MS4A4A: variants seen among roughly 807,000 people sequenced by gnomAD.
MS4A4A encodes the protein membrane-spanning 4-domains subfamily A member 4A.
A neutral mutation model predicts 28.0 loss-of-function variants in MS4A4A; 26 were observed. The ratio of observed to expected loss-of-function variants is 0.93; its 90% CI spans 0.68 to 1.29. The LOEUF (loss-of-function observed/expected upper bound fraction) is 1.29. Among genes scored for constraint, MS4A4A ranks in the 50% most tolerant of loss-of-function variants. The pLI is 0.00. For synonymous variants in MS4A4A, 86 were observed against 100.8 expected, an observed-to-expected ratio of 0.85 and a Z score of 0.88; for missense variants, 290 against 293.1, an observed-to-expected ratio of 0.99 and a Z score of 0.08.
intron 6 of MS4A4A, 36 bp downstream of exon 6, chr11:60,306,237 A>C (rs1266786960): frequency 2.0e-6 from 3 of 1,474,238 alleles, no homozygotes; most frequent in South Asian, 1.1e-5. Context: ...TGACTGTATT[A>C]GTTTTCTATT....
chr11:60,306,305 TCA>T (rs1254209138), intron 6 of MS4A4A, 104 bp downstream of exon 6: 7 of 938,704 alleles, frequency 7.5e-6, no homozygotes, highest in Admixed American at 4.3e-5. Flanking sequence ...TCATTATCTC[TCA>T]GTTTCCATGG....
At chr11:60,304,193 T>C (rs866634176) in intron 5 of MS4A4A, among the ~76,000 whole-genome samples, 1 of 152,176 alleles carries the variant, frequency 6.6e-6, no homozygotes. Context: ...GACCTTACTT[T>C]TAGTTTACGA....
Position 60,308,726 on chromosome 11 carries a change from G to A in MS4A4A, c.*548G>A, listed in dbSNP as rs2085030807. 1 of 152,400 alleles carries A rather than the reference G, an allele frequency of 6.6e-6. No homozygotes were observed. Among genetic ancestry groups the A allele is most frequent in the African/African-American group, 2.4e-5 (1 of 41,356 alleles). The allele number at this position is 152,400 out of a possible 1,614,324, so 9.4% of individuals were successfully genotyped here. A position where few individuals can be genotyped will look rare whatever the true frequency, so the allele number is the denominator to read the frequency against. On this transcript the variant is annotated 3_prime_UTR_variant, in exon 7 of 7. Transcript: ENST00000337908. ...TTTCTTTCCCCATAGAAAGTACCTT[G>A]AAGTAGCACAGCCCGTCCTTGCATG...
At chr11:60,305,496 G>A (rs937262783) in intron 5 of MS4A4A, among the ~76,000 whole-genome samples, 3 of 152,186 alleles carry the variant, frequency 2.0e-5, no homozygotes, top group Admixed American at 1.3e-4. Flanking sequence ...CAAATCAAGC[G>A]ATGTAGCATC....
chr11:60,299,448 C>CTT (rs5792179), intron 3 of MS4A4A, among the ~76,000 whole-genome samples: 3,768 of 112,678 alleles, frequency 0.033, 85 homozygotes, highest in African/African-American at 0.073. Flanking sequence ...AATTACAATT[C>CTT]TTTTTTTTTT....
rs1279340859 is a variant in MS4A4A, at chr11:60,301,034, G to A, written c.364G>A (p.Gly122Arg). 6.2e-7 allele frequency: 1 copy of A among 1,600,954 alleles called. No individual in the cohort carries two copies. Among genetic ancestry groups the A allele is most frequent in the Admixed American group, 1.7e-5 (1 of 57,516 alleles). Reference protein sequence around the residue: ...IISGSLSIAAGIRTTKGLVRG... With the variant: ...IISGSLSIAARIRTTKGLVRG... Reference sequence around the variant, plus strand: ...TTCAGGATCCTTGTCAATTGCAGCAGGAATTAGAACTACAAAAGGCCTGGT... The same window carrying A: ...TTCAGGATCCTTGTCAATTGCAGCAAGAATTAGAACTACAAAAGGCCTGGT... The change falls in exon 4 of 7, where the codon GGA becomes AGA. Residue 122 changes from glycine to arginine, a missense_variant. Physicochemically the swap from Gly to Arg is moderately radical, Grantham distance 125. Coordinates refer to ENST00000337908, the MANE Select transcript of MS4A4A (RefSeq NM_148975.3).
intron 4 of MS4A4A, 90 bp from the exon 5 acceptor site, chr11:60,302,469 G>C: frequency 1.6e-6 from 2 of 1,270,096 alleles, no homozygotes; most frequent in Non-Finnish European, 2.2e-6. Flanking sequence ...ATAGATGGCA[G>C]TAAGAAAGAG....
intron 6 of MS4A4A, among the ~76,000 whole-genome samples, chr11:60,307,474 C>G (rs2085013777): frequency 6.6e-6 from 1 of 152,138 alleles, no homozygotes; most frequent in African/African-American, 2.4e-5. Context: ...TGGAGGCAAA[C>G]TCTTTCGTAA....
At chr11:60,280,837 GGT>G in intron 1 of MS4A4A, 121 bp downstream of exon 1, 2 of 1,176,608 alleles carry the variant, frequency 1.7e-6, no homozygotes, top group Non-Finnish European at 2.4e-6. Context: ...GACCCAAGCT[GGT>G]ATTCAGGGTT....
At chr11:60,281,214 C>T (rs569658329) in intron 1 of MS4A4A, among the ~76,000 whole-genome samples, 3 of 152,218 alleles carry the variant, frequency 2.0e-5, no homozygotes, top group East Asian at 1.9e-4. Flanking sequence ...TGGGCTGTGG[C>T]CTGACCTAGT....
intron 2 of MS4A4A, 140 bp downstream of exon 2, chr11:60,292,524 C>A: frequency 1.2e-6 from 1 of 816,718 alleles, no homozygotes; most frequent in Non-Finnish European, 1.8e-6. Flanking sequence ...TCAGGCTCTT[C>A]ATCTGAAAAA....
chr11:60,306,200 G>A lies in MS4A4A; in HGVS notation c.647G>A (p.Gly216Glu), dbSNP rs1365715114. 6.2e-7 allele frequency: 1 copy of A among 1,609,758 alleles called. No individual in the cohort carries two copies. Among genetic ancestry groups the A allele is most frequent in the African/African-American group, 1.3e-5 (1 of 74,934 alleles). ...GCKVLCCTPG[G>E]VVLILPSHSH... is the part of the protein sequence containing the mutation. ...AAAGTGCTCTGTTGTACCCCTGGTGGGGTGAGTATTGGCCTTCATTTGAAG... is the reference window on the plus strand; with the variant it reads ...AAAGTGCTCTGTTGTACCCCTGGTGAGGTGAGTATTGGCCTTCATTTGAAG... The change falls in exon 6 of 7, where the codon GGG (glycine) becomes GAG (glutamate). Residue 216 changes from glycine (G) to glutamate (E), a missense_variant and splice_region_variant. Gly to Glu is a moderately conservative substitution (Grantham distance 98). Transcript: ENST00000337908.
At chr11:60,297,038 CG>C in intron 2 of MS4A4A, 158 bp from the exon 3 acceptor site, 1 of 822,460 alleles carries the variant, frequency 1.2e-6, no homozygotes, top group Non-Finnish European at 1.9e-6. Flanking sequence ...ATTACATTCA[CG>C]GTTATTTATG....
chr11:60,305,262 T>A (rs983556066), intron 5 of MS4A4A, among the ~76,000 whole-genome samples: 1 of 152,244 alleles, frequency 6.6e-6, no homozygotes, highest in African/African-American at 2.4e-5. Flanking sequence ...TTCTTATTGT[T>A]ACTGTAACAA....
At chr11:60,304,715 G>A (rs763121229) in intron 5 of MS4A4A, among the ~76,000 whole-genome samples, 52 of 152,196 alleles carry the variant, frequency 3.4e-4, no homozygotes, top group African/African-American at 1.2e-3. Flanking sequence ...TGCTGCTTTC[G>A]TGTTATAACA....
chr11:60,301,119 G>T (rs905181644), intron 4 of MS4A4A, 62 bp downstream of exon 4: 55 of 1,300,756 alleles, frequency 4.2e-5, no homozygotes, highest in Non-Finnish European at 5.8e-5. Context: ...AATGTATTCT[G>T]CCAGGGTGTA....
In MS4A4A at chr11:60,297,180, T is replaced by C; in HGVS notation, c.202-17T>C. ...TTGTGGTGGACAATCAGTTTTTGCT[T>C]TCTTCACCATTTTTAGGTTGTGCAG... On this transcript the variant is annotated splice_polypyrimidine_tract_variant and intron_variant, in intron 2 of 6. Coordinates refer to ENST00000337908, the MANE Select transcript of MS4A4A (RefSeq NM_148975.3). 2 of 1,612,172 alleles carry C rather than the reference T, an allele frequency of 1.2e-6. No homozygotes were observed. The highest frequency in any genetic ancestry group is 2.2e-5 in the East Asian group (1 of 44,838).
At chr11:60,290,133 C>CT (rs1478142028) in intron 1 of MS4A4A, 4 of 438,428 alleles carry the variant, frequency 9.1e-6, no homozygotes, top group African/African-American at 6.0e-5. Flanking sequence ...AAATATGTGT[C>CT]TTTTTGGTGA....
intron 4 of MS4A4A, 27 bp from the exon 5 acceptor site, chr11:60,302,532 G>A: frequency 1.2e-6 from 2 of 1,611,130 alleles, no homozygotes; most frequent in Non-Finnish European, 1.7e-6. Context: ...TTGTTGGATT[G>A]TTTAATTGAT....
Sources: gnomAD v4.1 joint callset for allele counts (sites outside exome capture counted in the v4.1 genomes callset) on GRCh38, gnomAD v4.1.1 for gene constraint, MANE v1.5 for transcripts, NCBI Gene and HGNC (gene_info 2026-07-23, HGNC 2026-07-21) for gene names.